ATP8B4: variants seen among roughly 807,000 people sequenced by gnomAD.
ATP8B4 encodes ATPase phospholipid transporting 8B4 (putative).
ATP8B4 carries 133 observed loss-of-function variants against 145.6 expected under a neutral mutation model. That is an observed-to-expected ratio of 0.91 (90% CI 0.79 to 1.05). The LOEUF is 1.05. Among genes scored for constraint, ATP8B4 ranks in the 50% least tolerant of loss-of-function variants. ATP8B4 has a pLI of 0.00. For missense variants in ATP8B4, 1,458 were observed against 1,425.2 expected (o/e 1.02, Z -0.37); for synonymous variants, 507 against 492.9 (o/e 1.03, Z -0.38).
At chr15:49,978,161 T>C (rs919404881) in intron 12 of ATP8B4, among the ~76,000 whole-genome samples, 4 of 152,200 alleles carry the variant, frequency 2.6e-5, no homozygotes, top group Non-Finnish European at 5.9e-5. Context: ...TGAGGACATA[T>C]GAAACTGCAC....
intron 1 of ATP8B4, among the ~76,000 whole-genome samples, chr15:50,171,425 A>G (rs1228779441): frequency 6.6e-6 from 1 of 152,222 alleles, no homozygotes; most frequent in Admixed American, 6.5e-5. Flanking sequence ...ATGCAAATAC[A>G]TGGAAATTAA....
chr15:49,905,252 GT>G (rs1004554554), intron 20 of ATP8B4, among the ~76,000 whole-genome samples: 1 of 152,136 alleles, frequency 6.6e-6, no homozygotes, highest in African/African-American at 2.4e-5. Context: ...CATTTGACAG[GT>G]TTAAATATAA....
intron 14 of ATP8B4, among the ~76,000 whole-genome samples, chr15:49,954,169 G>A (rs181871220): frequency 5.5e-4 from 83 of 152,282 alleles, no homozygotes; most frequent in African/African-American, 1.3e-3. Context: ...GTCTCAGACT[G>A]GCTTTCTTGC....
At chr15:50,087,534 C>G (rs1240924861) in intron 2 of ATP8B4, among the ~76,000 whole-genome samples, 1 of 150,612 alleles carries the variant, frequency 6.6e-6, no homozygotes, top group Non-Finnish European at 1.5e-5. Flanking sequence ...GCTTATTATA[C>G]TTAGTAAGTA....
Position 49,897,332 on chromosome 15 carries a change from A to C in ATP8B4, c.2657T>G (p.Val886Gly). The C allele has an allele frequency of 6.2e-7, 1 of 1,613,298 alleles. No homozygotes were observed. Among genetic ancestry groups the C allele is most frequent in the Non-Finnish European group, 8.5e-7 (1 of 1,179,706 alleles). The change falls in exon 23 of 28, where the codon GTG becomes GGG. Residue 886 changes from valine to glycine, a missense_variant. Physicochemically the swap from Val to Gly is moderately radical, Grantham distance 109 (BLOSUM62 -3). Transcript: ENST00000284509. The stretch of plus-strand genomic sequence containing the variant: ...ACAGAAGAAACCAAACCAGAAATGC[A>C]CAAGTGTAAATGCAAAATTCTTATA... ...FFYKNFAFTL[V>G]HFWFGFFCGF...
intron 2 of ATP8B4, among the ~76,000 whole-genome samples, chr15:50,090,515 G>T (rs1417429076): frequency 6.6e-6 from 1 of 152,132 alleles, no homozygotes; most frequent in Non-Finnish European, 1.5e-5. Context: ...CATACCTTCT[G>T]CCATGTGAGG....
upstream of ATP8B4, among the ~76,000 whole-genome samples, chr15:50,122,399 T>C (rs2057278790): frequency 6.6e-6 from 1 of 152,144 alleles, no homozygotes; most frequent in African/African-American, 2.4e-5. Flanking sequence ...TCTCTGACAT[T>C]GAGAATGGGA....
At chr15:50,015,900 C>G (rs1270352316) in intron 6 of ATP8B4, among the ~76,000 whole-genome samples, 1 of 152,212 alleles carries the variant, frequency 6.6e-6, no homozygotes, top group Non-Finnish European at 1.5e-5. Context: ...ACAGGGAGGT[C>G]TCTGGTCAGC....
intron 3 of ATP8B4, among the ~76,000 whole-genome samples, chr15:50,066,641 T>C (rs1233636436): frequency 2.0e-5 from 3 of 152,166 alleles, no homozygotes; most frequent in Non-Finnish European, 4.4e-5. Flanking sequence ...TTTAAACACA[T>C]ACTTAAAAAG....
chr15:49,951,205 T>C (rs2153491757), intron 14 of ATP8B4, among the ~76,000 whole-genome samples: 1 of 152,344 alleles, frequency 6.6e-6, no homozygotes, highest in African/African-American at 2.4e-5. Flanking sequence ...TGTAGACATC[T>C]ACTAGTTCCA....
At position 49,943,404 on chromosome 15, in the gene ATP8B4, C is replaced by CA. The variant is rs145539419; in HGVS notation, c.1288-9223dup. Reference sequence around the variant, plus strand: ...CACCAAATTAAATGAAACAAACAAACAAAAAAAAAACCACACTAAAATATA... The same window carrying CA: ...CACCAAATTAAATGAAACAAACAAACAAAAAAAAAAACCACACTAAAATATA... On this transcript the variant is annotated intron_variant, in intron 14 of 27. Transcript: ENST00000284509. Among the ~76,000 whole-genome samples the CA allele has an allele frequency of 1.2e-3, 173 of 144,888 alleles. 1 individual carries two copies. The highest frequency in any genetic ancestry group is 8.8e-3 in the East Asian group (41 of 4,636).
At chr15:49,949,761 C>T (rs1676671815) in intron 14 of ATP8B4, among the ~76,000 whole-genome samples, 1 of 152,072 alleles carries the variant, frequency 6.6e-6, no homozygotes, top group Admixed American at 6.5e-5. Context: ...GGGAATGCTT[C>T]CAGCTTTTGC....
At chr15:49,881,197 T>C (rs191754247) in intron 23 of ATP8B4, among the ~76,000 whole-genome samples, 242 of 152,282 alleles carry the variant, frequency 1.6e-3, no homozygotes, top group African/African-American at 5.6e-3. Flanking sequence ...CCATGACTGA[T>C]TTCAAGCAAT....
chr15:49,973,783 G>A lies in ATP8B4; in HGVS notation c.1035-993C>T, dbSNP rs747227179. 1.1e-4 allele frequency among the ~76,000 whole-genome samples: 16 copies of A among 152,048 alleles called. 1 individual carries two copies. Among genetic ancestry groups the A allele is most frequent in the Non-Finnish European group, 2.1e-4 (14 of 68,014 alleles). The stretch of plus-strand genomic sequence containing the variant: ...TAATGCCAAACTAATTTCCAAAAAC[G>A]TCATAGCAACATAAGTTTCTACCAT... On this transcript the variant is annotated intron_variant, in intron 12 of 27. Transcript: ENST00000284509.
intron 9 of ATP8B4, among the ~76,000 whole-genome samples, chr15:49,991,961 A>G (rs1246076433): frequency 6.6e-6 from 1 of 152,086 alleles, no homozygotes; most frequent in Non-Finnish European, 1.5e-5. Context: ...TAACCCTCCA[A>G]TGCTGTCTTT....
At chr15:50,010,300 C>T (rs1051753711) in intron 7 of ATP8B4, among the ~76,000 whole-genome samples, 1 of 151,958 alleles carries the variant, frequency 6.6e-6, no homozygotes, top group Non-Finnish European at 1.5e-5. Flanking sequence ...GAAATTATAA[C>T]ATAGGCCATT....
intron 3 of ATP8B4, among the ~76,000 whole-genome samples, chr15:50,059,103 G>A (rs2052818610): frequency 6.6e-6 from 1 of 152,148 alleles, no homozygotes; most frequent in Non-Finnish European, 1.5e-5. Context: ...GGTTATGCTT[G>A]AGATAGTCTG....
chr15:49,935,652 C>G (rs775539070), intron 14 of ATP8B4, among the ~76,000 whole-genome samples: 4 of 152,018 alleles, frequency 2.6e-5, no homozygotes, highest in East Asian at 1.9e-4. Context: ...GTCCCACTCC[C>G]CAGAGAAAAT....
intron 2 of ATP8B4, among the ~76,000 whole-genome samples, chr15:50,084,258 G>C (rs949049518): frequency 2.0e-5 from 3 of 152,160 alleles, no homozygotes; most frequent in Non-Finnish European, 4.4e-5. Context: ...TCTAATATCA[G>C]TCCAAGTGTG....
Sources: allele counts gnomAD v4.1 joint callset (sites outside exome capture counted in the v4.1 genomes callset), GRCh38; gene constraint gnomAD v4.1.1; transcripts MANE v1.5; gene names NCBI Gene and HGNC (gene_info 2026-07-23, HGNC 2026-07-21).